FAM193A: variants seen among roughly 807,000 people sequenced by gnomAD.
The protein encoded by FAM193A is family with sequence similarity 193 member A.
In FAM193A, 22 loss-of-function variants were observed where a neutral mutation model predicts 126.5. The observed-to-expected ratio is 0.17, with a 90% confidence interval of 0.12 to 0.25. The LOEUF is 0.25. Ranked by LOEUF, FAM193A falls within the 10% of genes least tolerant of loss-of-function variation. FAM193A has a pLI of 1.00. For synonymous variants in FAM193A, 761 were observed against 646.8 expected (o/e 1.18, Z -2.68); for missense variants, 1,675 against 1,672.8 (o/e 1.00, Z -0.02).
intron 2 of FAM193A, among the ~76,000 whole-genome samples, chr4:2,613,951 T>G (rs780095672): frequency 6.6e-6 from 1 of 151,796 alleles, no homozygotes; most frequent in African/African-American, 2.4e-5. Context: ...ATTTTTGTAT[T>G]TTTAGTAGAG....
chr4:2,575,835 A>G (rs974833845), intron 1 of FAM193A, among the ~76,000 whole-genome samples: 2 of 152,104 alleles, frequency 1.3e-5, no homozygotes, highest in Non-Finnish European at 2.9e-5. Flanking sequence ...CATCGTCCAT[A>G]AAGATGGGCC....
chr4:2,718,837 A>G (rs1486689311), intron 20 of FAM193A, among the ~76,000 whole-genome samples: 1 of 152,212 alleles, frequency 6.6e-6, no homozygotes, highest in Non-Finnish European at 1.5e-5. Flanking sequence ...ATTACAATTG[A>G]CTTTAAAACT....
intron 1 of FAM193A, among the ~76,000 whole-genome samples, chr4:2,542,915 G>C (rs937124372): frequency 1.5e-4 from 23 of 152,132 alleles, no homozygotes; most frequent in African/African-American, 5.3e-4. Context: ...GGGTGTTTCT[G>C]CATGTGGGTA....
intron 1 of FAM193A, among the ~76,000 whole-genome samples, chr4:2,595,391 AT>A (rs998259503): frequency 6.6e-6 from 1 of 151,862 alleles, no homozygotes; most frequent in African/African-American, 2.4e-5. Context: ...GGCTAATTTT[AT>A]TTTTTTTCTG....
chr4:2,721,566 C>G (rs1481970710), intron 20 of FAM193A, among the ~76,000 whole-genome samples: 1 of 152,230 alleles, frequency 6.6e-6, no homozygotes, highest in Admixed American at 6.5e-5. Flanking sequence ...GGTCTTCAGC[C>G]TGACCAAGGA....
In FAM193A at chr4:2,650,908, C is replaced by T. The variant is rs796347192; in HGVS notation, c.1311+4076C>T. On this transcript the variant is annotated intron_variant, in intron 7 of 20. Transcript: ENST00000637812. ...GAGAACGCTGTCTCAGGGCCCTCCT[C>T]CACAGTCTTGTTAGTGTTTGTAGCA... Among the ~76,000 whole-genome samples the T allele has an allele frequency of 2.6e-5, 4 of 152,312 alleles. No homozygotes were observed. The East Asian group carries it at 7.7e-4, about 29-fold the overall frequency.
chr4:2,641,149 T>A (rs1301214912), intron 6 of FAM193A, among the ~76,000 whole-genome samples: 2 of 151,444 alleles, frequency 1.3e-5, no homozygotes, highest in Non-Finnish European at 2.9e-5. Flanking sequence ...CAAGCGATTC[T>A]CCTGCCTCAG....
chr4:2,646,640 A>AGCCTTTGCCTT (rs750555278), intron 6 of FAM193A, 45 bp from the exon 7 acceptor site: 12 of 1,546,546 alleles, frequency 7.8e-6, no homozygotes, highest in Non-Finnish European at 1.0e-5. Context: ...TCTGCTTCAG[A>AGCCTTTGCCTT]GCCTTTGGGT....
At chr4:2,597,101 TCTTTACTGGC>T (rs1284461215) in intron 2 of FAM193A, among the ~76,000 whole-genome samples, 1 of 152,124 alleles carries the variant, frequency 6.6e-6, no homozygotes, top group Non-Finnish European at 1.5e-5. Context: ...TGGGTTTCCA[TCTTTACTGGC>T]CTTGGAGGCA....
In FAM193A at chr4:2,675,612, G is replaced by T. The variant is rs553321266; in HGVS notation, c.2331+3240G>T. On this transcript the variant is annotated intron_variant, in intron 13 of 20. Transcript: ENST00000637812. Reference sequence around the variant, plus strand: ...CTAGCATGGTATATCTTCCTTCATTGCTTACTTTTTGAAAAGATTTATTAT... The same window carrying T: ...CTAGCATGGTATATCTTCCTTCATTTCTTACTTTTTGAAAAGATTTATTAT... Among the ~76,000 whole-genome samples, 5 of 152,120 alleles carry T rather than the reference G, an allele frequency of 3.3e-5. No homozygotes were observed. The South Asian group carries it at 1.0e-3, about 32-fold the overall frequency.
intron 13 of FAM193A, among the ~76,000 whole-genome samples, chr4:2,685,589 T>C (rs985085330): frequency 2.0e-5 from 3 of 152,210 alleles, no homozygotes; most frequent in Non-Finnish European, 4.4e-5. Flanking sequence ...CCAAAAAACC[T>C]GTTAAGCAGA....
At chr4:2,710,361 G>T (rs1718805544) in intron 19 of FAM193A, among the ~76,000 whole-genome samples, 4 of 151,794 alleles carry the variant, frequency 2.6e-5, no homozygotes, top group Admixed American at 2.6e-4. Context: ...ATTTAGTAGA[G>T]ATGGGGTTTC....
chr4:2,715,024 G>C (rs1719393553), intron 19 of FAM193A, among the ~76,000 whole-genome samples: 1 of 152,288 alleles, frequency 6.6e-6, no homozygotes, highest in African/African-American at 2.4e-5. Context: ...GAACAGAACA[G>C]AGAAGTAGAA....
chr4:2,672,547 A>G (rs1415109712), intron 13 of FAM193A, among the ~76,000 whole-genome samples, 175 bp downstream of exon 13: 1 of 152,224 alleles, frequency 6.6e-6, no homozygotes, highest in Non-Finnish European at 1.5e-5. Context: ...TGTAATTGTG[A>G]ACCTTTACAG....
Position 2,659,826 on chromosome 4 carries a change from A to G in FAM193A, c.1517A>G (p.Asp506Gly), listed in dbSNP as rs956474381. The change falls in exon 10 of 21, where the codon GAC (aspartate) becomes GGC (glycine). Residue 506 changes from aspartate to glycine, a missense_variant. Coordinates refer to ENST00000637812, the MANE Select transcript of FAM193A (RefSeq NM_001366318.2). ...CNYRRRCACDDCSLSHILTCG... is the reference protein window; with the variant it reads ...CNYRRRCACDGCSLSHILTCG... ...TTCCTGATCAGATGTGCTTGCGATGACTGCAGTCTCTCACACATCCTCACG... is the reference window on the plus strand; with the variant it reads ...TTCCTGATCAGATGTGCTTGCGATGGCTGCAGTCTCTCACACATCCTCACG... The G allele has an allele frequency of 2.5e-6, 4 of 1,613,854 alleles. No homozygotes were observed. The African/African-American group carries it at 4.0e-5, about 16-fold the overall frequency.
chr4:2,596,675 G>T (rs964249783), intron 2 of FAM193A, among the ~76,000 whole-genome samples: 1 of 152,208 alleles, frequency 6.6e-6, no homozygotes, highest in Non-Finnish European at 1.5e-5. Context: ...CGACATGCAG[G>T]TAATTCTTTA....
chr4:2,708,386 A>G (rs1718545335), intron 19 of FAM193A: 2 of 164,270 alleles, frequency 1.2e-5, no homozygotes, highest in African/African-American at 2.4e-5. Flanking sequence ...CGGCCTCCCA[A>G]AATGCTGGAA....
Position 2,655,747 on chromosome 4 carries a change from A to G in FAM193A, c.1312-2056A>G, listed in dbSNP as rs146687096. Among the ~76,000 whole-genome samples the G allele has an allele frequency of 5.7e-3, 870 of 152,088 alleles. 7 individuals carry two copies. Among genetic ancestry groups the G allele is most frequent in the African/African-American group, 0.019 (807 of 41,502 alleles). On this transcript the variant is annotated intron_variant, in intron 7 of 20. Transcript: ENST00000637812. Reference sequence around the variant, plus strand: ...GGAGTTTGAGGCCAACCTGGGCAACATAGGGAGAACCCCATCTCTACAAGG... The same window carrying G: ...GGAGTTTGAGGCCAACCTGGGCAACGTAGGGAGAACCCCATCTCTACAAGG...
chr4:2,545,622 T>G (rs960576086), intron 1 of FAM193A, among the ~76,000 whole-genome samples: 7 of 152,170 alleles, frequency 4.6e-5, no homozygotes, highest in East Asian at 1.9e-4. Flanking sequence ...CCTGATAGTT[T>G]TCCTAAATGG....
Sources: gnomAD v4.1 joint callset for allele counts (sites outside exome capture counted in the v4.1 genomes callset) on GRCh38, gnomAD v4.1.1 for gene constraint, MANE v1.5 for transcripts, NCBI Gene and HGNC (gene_info 2026-07-23, HGNC 2026-07-21) for gene names.